EDA2R: variants seen among roughly 807,000 people sequenced by gnomAD.
The protein encoded by EDA2R is tumor necrosis factor receptor superfamily member 27.
EDA2R carries 26 observed loss-of-function variants against 20.1 expected under a neutral mutation model. The ratio of observed to expected loss-of-function variants is 1.30; its 90% CI spans 0.95 to 1.80. The LOEUF is 1.80. Among genes scored for constraint, EDA2R ranks in the 40% most tolerant of loss-of-function variants. The probability of loss-of-function intolerance (pLI) is 0.00; values close to 1 mark genes in which losing one functional copy is unlikely to be tolerated. For missense variants in EDA2R, 277 were observed against 228.7 expected (o/e 1.21, Z -1.36); for synonymous variants, 114 against 88.7 (o/e 1.29, Z -1.60).
chrX:66,628,990 C>A (rs1013136526), intron 1 of EDA2R, among the ~76,000 whole-genome samples: 14 of 111,685 alleles, frequency 1.3e-4, no homozygotes, highest in Non-Finnish European at 2.6e-4. Flanking sequence ...AGATAATCCA[C>A]CATGATCAAG....
At chrX:66,634,270 G>GT (rs763801500) in intron 1 of EDA2R, among the ~76,000 whole-genome samples, 4 of 112,316 alleles carry the variant, frequency 3.6e-5, no homozygotes, top group African/African-American at 1.3e-4. Flanking sequence ...ACTTTGTGAG[G>GT]TTGTGGAGGG....
intron 1 of EDA2R, among the ~76,000 whole-genome samples, chrX:66,632,901 T>C (rs754779038): frequency 1.2e-4 from 13 of 112,245 alleles, no homozygotes; most frequent in Non-Finnish European, 1.9e-5. Context: ...TAACTGTTAG[T>C]GATAGCAACA....
intron 1 of EDA2R, among the ~76,000 whole-genome samples, chrX:66,620,167 T>G (rs1238110256): frequency 8.9e-6 from 1 of 112,379 alleles, no homozygotes; most frequent in Non-Finnish European, 1.9e-5. Flanking sequence ...CATTATGTTT[T>G]GTGTAGCAAC....
intron 2 of EDA2R, 106 bp from the exon 3 acceptor site, chrX:66,605,332 C>A (rs1929478266): frequency 2.9e-6 from 2 of 689,773 alleles, no homozygotes; most frequent in African/African-American, 4.4e-5. Flanking sequence ...ACTTGCAACC[C>A]CATTACTAAG....
intron 5 of EDA2R, among the ~76,000 whole-genome samples, chrX:66,601,091 G>A (rs1462939707): frequency 2.7e-5 from 3 of 112,019 alleles, no homozygotes; most frequent in South Asian, 3.7e-4. Context: ...GTAAGAAAAT[G>A]TCTAGCCTTC....
At chrX:66,628,101 A>C (rs920097014) in intron 1 of EDA2R, among the ~76,000 whole-genome samples, 1 of 111,698 alleles carries the variant, frequency 9.0e-6, no homozygotes, top group Non-Finnish European at 1.9e-5. Context: ...GGTCAAATAC[A>C]AAATCAAGAT....
chrX:66,639,095 C>T (rs1423963187), upstream of EDA2R: 1 of 95,452 alleles, frequency 1.0e-5, no homozygotes, highest in Non-Finnish European at 2.1e-5. Flanking sequence ...CTCCCGTCAC[C>T]CCCCGCCCTT....
chrX:66,598,067 G>T lies in EDA2R; in HGVS notation c.*37C>A. 1 of 965,280 alleles carries T rather than the reference G, an allele frequency of 1.0e-6. No homozygotes were observed. The highest frequency in any genetic ancestry group is 1.3e-6 in the Non-Finnish European group (1 of 752,205). The allele number at this position is 965,280 out of a possible 1,213,427, so 79.5% of individuals were successfully genotyped here. On this transcript the variant is annotated 3_prime_UTR_variant, in exon 7 of 7. Transcript: ENST00000374719. Reference sequence around the variant, plus strand: ...GAACAGAGTCCAGAGAGAACAACTGGGCAAGGCTGCCAGGGGCCCAAGAGA... The same window carrying T: ...GAACAGAGTCCAGAGAGAACAACTGTGCAAGGCTGCCAGGGGCCCAAGAGA...
intron 2 of EDA2R, among the ~76,000 whole-genome samples, chrX:66,607,867 G>T (rs1385746027): frequency 9.0e-6 from 1 of 111,657 alleles, no homozygotes; most frequent in African/African-American, 3.3e-5. Context: ...ACAAGAAAAA[G>T]AAAGAATTGA....
chrX:66,633,796 C>T (rs1478808250), intron 1 of EDA2R, among the ~76,000 whole-genome samples: 1 of 111,929 alleles, frequency 8.9e-6, no homozygotes, highest in African/African-American at 3.3e-5. Context: ...AAGCTGACTT[C>T]CCAAGAAGGC....
At chrX:66,636,938 A>AC (rs1934378770) in intron 1 of EDA2R, among the ~76,000 whole-genome samples, 1 of 60,361 alleles carries the variant, frequency 1.7e-5, no homozygotes, top group Non-Finnish European at 4.2e-5. Flanking sequence ...ACTGTGTGTA[A>AC]AACACACACA....
intron 2 of EDA2R, among the ~76,000 whole-genome samples, chrX:66,614,143 T>C (rs1931267201): frequency 9.0e-6 from 1 of 111,612 alleles, no homozygotes; most frequent in Admixed American, 9.5e-5. Context: ...AAAGACTTCT[T>C]CCCTACAAAA....
chrX:66,611,311 T>C (rs1441297072), intron 2 of EDA2R, among the ~76,000 whole-genome samples: 3 of 111,042 alleles, frequency 2.7e-5, no homozygotes, highest in African/African-American at 9.8e-5. Flanking sequence ...AAACCACCCA[T>C]GATAATAAGA....
At chrX:66,638,323 T>G (rs1417830512) in intron 1 of EDA2R, among the ~76,000 whole-genome samples, 1 of 111,910 alleles carries the variant, frequency 8.9e-6, no homozygotes, top group Non-Finnish European at 1.9e-5. Context: ...TGGCCAACGC[T>G]GCCAACACCT....
At chrX:66,635,824 T>A (rs1347591358) in intron 1 of EDA2R, among the ~76,000 whole-genome samples, 1 of 112,332 alleles carries the variant, frequency 8.9e-6, no homozygotes, top group Non-Finnish European at 1.9e-5. Flanking sequence ...AATCTGCAAT[T>A]CCCTCATTTG....
intron 2 of EDA2R, among the ~76,000 whole-genome samples, chrX:66,614,777 C>T (rs1246523157): frequency 8.9e-6 from 1 of 111,872 alleles, no homozygotes; most frequent in Non-Finnish European, 1.9e-5. Context: ...AACTTTCCAA[C>T]CCAAAACCCT....
chrX:66,627,495 A>T (rs1198927397), intron 1 of EDA2R, among the ~76,000 whole-genome samples: 1 of 112,646 alleles, frequency 8.9e-6, no homozygotes, highest in South Asian at 3.6e-4. Context: ...TATATCAGAC[A>T]AAACAAACTT....
intron 2 of EDA2R, among the ~76,000 whole-genome samples, chrX:66,609,109 T>G (rs1930251421): frequency 8.9e-6 from 1 of 111,891 alleles, no homozygotes; most frequent in Non-Finnish European, 1.9e-5. Flanking sequence ...AACTGTATTT[T>G]AATAAGGCTG....
intron 1 of EDA2R, among the ~76,000 whole-genome samples, chrX:66,620,965 C>CAAAAAAAAAAAAAA (rs376190384): frequency 1.8e-5 from 1 of 55,305 alleles, no homozygotes; most frequent in Non-Finnish European, 3.5e-5. Flanking sequence ...TATCCACTAC[C>CAAAAAAAAAAAAAA]AAAAAAAAAA....
Sources: gnomAD v4.1 joint callset for allele counts (sites outside exome capture counted in the v4.1 genomes callset) on GRCh38, gnomAD v4.1.1 for gene constraint, MANE v1.5 for transcripts, NCBI Gene and HGNC (gene_info 2026-07-23, HGNC 2026-07-21) for gene names.